The following CPNE4 variants were observed in gnomAD, a reference collection of about 807,000 sequenced individuals.
The protein encoded by CPNE4 is copine-4.
Under a neutral mutation model 67.9 loss-of-function variants are expected in CPNE4, and 25 were observed. That is an observed-to-expected ratio of 0.37 (90% confidence interval 0.27 to 0.51). The LOEUF (loss-of-function observed/expected upper bound fraction) is 0.51, where lower values mean the gene tolerates loss of function less well. CPNE4 is among the 20% of genes least tolerant of loss of function. The pLI is 0.93. For synonymous variants in CPNE4, 242 were observed against 244.9 expected (o/e 0.99, Z 0.11); for missense variants, 464 against 690.8 (o/e 0.67, Z 3.68).
At chr3:131,739,278 C>T (rs2082307101) in intron 2 of CPNE4, among the ~76,000 whole-genome samples, 1 of 152,142 alleles carries the variant, frequency 6.6e-6, no homozygotes, top group Non-Finnish European at 1.5e-5. Context: ...TCACCAGGTA[C>T]AGCTAGAGAC....
At chr3:131,629,340 T>C (rs976567354) in intron 7 of CPNE4, among the ~76,000 whole-genome samples, 10 of 152,236 alleles carry the variant, frequency 6.6e-5, no homozygotes, top group African/African-American at 2.4e-4. Flanking sequence ...AAGGCTCAGA[T>C]GATTATTGGC....
At chr3:131,848,697 C>T (rs955280236) in intron 2 of CPNE4, among the ~76,000 whole-genome samples, 4 of 150,700 alleles carry the variant, frequency 2.7e-5, no homozygotes, top group Non-Finnish European at 5.9e-5. Flanking sequence ...CAGATTTGCG[C>T]TCAACCCCAA....
chr3:131,977,830 C>T (rs1432910946), intron 1 of CPNE4, among the ~76,000 whole-genome samples: 1 of 151,268 alleles, frequency 6.6e-6, no homozygotes. Flanking sequence ...TCCCTCATCC[C>T]CCTCCCACTC....
chr3:131,654,093 T>A (rs1416352370), intron 7 of CPNE4, among the ~76,000 whole-genome samples: 1 of 152,174 alleles, frequency 6.6e-6, no homozygotes, highest in East Asian at 1.9e-4. Context: ...TGAGGTGGGG[T>A]CTAGGTACCA....
chr3:131,975,565 TACCC>T (rs2072627266), intron 1 of CPNE4, among the ~76,000 whole-genome samples: 1 of 152,190 alleles, frequency 6.6e-6, no homozygotes, highest in Non-Finnish European at 1.5e-5. Flanking sequence ...CAGGGAAATC[TACCC>T]ACACTGCTTC....
chr3:131,994,888 C>G (rs2073251781), intron 1 of CPNE4, among the ~76,000 whole-genome samples: 1 of 152,166 alleles, frequency 6.6e-6, no homozygotes, highest in African/African-American at 2.4e-5. Context: ...CTTTTAGAGA[C>G]AGGGTCTTGA....
At chr3:131,957,696 GC>G (rs1388800016) in intron 1 of CPNE4, among the ~76,000 whole-genome samples, 5 of 152,254 alleles carry the variant, frequency 3.3e-5, no homozygotes, top group Admixed American at 6.5e-5. Flanking sequence ...ACTGTGGGAG[GC>G]ATTTTTGCTC....
chr3:131,904,978 T>C (rs1002870233), intron 2 of CPNE4, among the ~76,000 whole-genome samples: 1 of 152,134 alleles, frequency 6.6e-6, no homozygotes, highest in East Asian at 1.9e-4. Flanking sequence ...TCTTGCTACC[T>C]GTGTGTTGCC....
chr3:131,923,378 A>G (rs1330723209), intron 1 of CPNE4, among the ~76,000 whole-genome samples: 1 of 152,156 alleles, frequency 6.6e-6, no homozygotes, highest in Non-Finnish European at 1.5e-5. Flanking sequence ...CAGGGACTAT[A>G]AGGCCTGTGA....
At chr3:131,912,888 G>T (rs1308444133) in intron 1 of CPNE4, among the ~76,000 whole-genome samples, 2 of 152,102 alleles carry the variant, frequency 1.3e-5, no homozygotes, top group South Asian at 4.1e-4. Context: ...TGTTGATCCT[G>T]CTAGCCTGCG....
Position 131,947,778 on chromosome 3 carries a change from T to C in CPNE4, c.-1-42334A>G, listed in dbSNP as rs558542984. Among the ~76,000 whole-genome samples, 3 of 152,304 alleles carry C rather than the reference T, an allele frequency of 2.0e-5. No homozygotes were observed. The East Asian group carries it at 5.8e-4, about 29-fold the overall frequency. On this transcript the variant is annotated intron_variant, in intron 1 of 15. Coordinates refer to ENST00000429747, the MANE Select transcript of CPNE4 (RefSeq NM_130808.3). ...GTAATGGGATTGCTGGGTCAAATGG[T>C]ATTTCTGGTTCTAGGTCCTTGAGGA... is the stretch of plus-strand genomic sequence containing the variant.
At chr3:131,650,731 C>G (rs545296397) in intron 7 of CPNE4, among the ~76,000 whole-genome samples, 1 of 85,918 alleles carries the variant, frequency 1.2e-5, no homozygotes, top group South Asian at 3.7e-4. Flanking sequence ...GGGGACAGAG[C>G]AAGACTCCGT....
At chr3:131,859,110 C>A (rs2086571787) in intron 2 of CPNE4, among the ~76,000 whole-genome samples, 1 of 152,010 alleles carries the variant, frequency 6.6e-6, no homozygotes, top group Non-Finnish European at 1.5e-5. Flanking sequence ...TTACACAAGC[C>A]AAATGATGTA....
intron 1 of CPNE4, among the ~76,000 whole-genome samples, chr3:132,014,570 G>A (rs1036579619): frequency 3.9e-5 from 6 of 151,924 alleles, no homozygotes; most frequent in East Asian, 1.9e-4. Flanking sequence ...TTCTTTTTCC[G>A]TTAAAATGTT....
At chr3:131,669,358 A>G (rs2080345540) in intron 7 of CPNE4, among the ~76,000 whole-genome samples, 1 of 152,220 alleles carries the variant, frequency 6.6e-6, no homozygotes, top group African/African-American at 2.4e-5. Context: ...ATAACAGTAG[A>G]TAATTGATAT....
At position 131,558,386 on chromosome 3, in the gene CPNE4, A is replaced by G. The variant is rs143373049; in HGVS notation, c.1062-2835T>C. On this transcript the variant is annotated intron_variant, in intron 11 of 15. Transcript: ENST00000429747. ...TATACTAACGCTTTAAGAATTCAAG[A>G]TTGGATCCACTCAGCACCCAGCAAA... Among the ~76,000 whole-genome samples the G allele has an allele frequency of 1.0e-3, 157 of 152,194 alleles. 2 individuals carry two copies. The highest frequency in any genetic ancestry group is 3.6e-3 in the African/African-American group (149 of 41,574).
At chr3:131,848,635 T>C (rs1041029294) in intron 2 of CPNE4, among the ~76,000 whole-genome samples, 1 of 150,402 alleles carries the variant, frequency 6.6e-6, no homozygotes, top group Non-Finnish European at 1.5e-5. Context: ...CCTGGACATT[T>C]TCTTAGGTGA....
intron 2 of CPNE4, among the ~76,000 whole-genome samples, chr3:131,747,325 T>C (rs998624575): frequency 4.6e-5 from 7 of 152,056 alleles, no homozygotes; most frequent in African/African-American, 1.7e-4. Context: ...GTCTGTGCTT[T>C]TGAGGTTTTA....
At chr3:131,686,946 G>A (rs1200115557) in intron 5 of CPNE4, among the ~76,000 whole-genome samples, 1 of 152,134 alleles carries the variant, frequency 6.6e-6, no homozygotes. Context: ...CAAAAGCTCT[G>A]CTCAGTTTCT....
Sources: allele counts gnomAD v4.1 joint callset (sites outside exome capture counted in the v4.1 genomes callset), GRCh38; gene constraint gnomAD v4.1.1; transcripts MANE v1.5; gene names NCBI Gene and HGNC (gene_info 2026-07-23, HGNC 2026-07-21).